The following GRID2 variants were observed in gnomAD, a reference collection of about 807,000 sequenced individuals.
The protein encoded by GRID2 is glutamate receptor ionotropic, delta-2.
GRID2 carries 33 observed loss-of-function variants against 114.8 expected under a neutral mutation model. That is an observed-to-expected ratio of 0.29 (90% confidence interval 0.22 to 0.38). GRID2 has a LOEUF of 0.38. Among genes scored for constraint, GRID2 ranks in the 10% least tolerant of loss-of-function variants. The pLI, the probability that GRID2 is intolerant of heterozygous loss-of-function variation, is 1.00. For synonymous variants in GRID2, 505 were observed against 449.9 expected (o/e 1.12, Z -1.55); for missense variants, 1,184 against 1,257.7 (o/e 0.94, Z 0.89).
chr4:92,355,059 T>C (rs1050138817), intron 1 of GRID2, among the ~76,000 whole-genome samples: 5 of 151,966 alleles, frequency 3.3e-5, no homozygotes, highest in Admixed American at 2.0e-4. Context: ...TGGCGACTCC[T>C]CCTCATTATC....
intron 1 of GRID2, among the ~76,000 whole-genome samples, chr4:92,431,852 G>GTTTGTACCCATTCTTCTGGAAAAGGCTT (rs1477262170): frequency 6.6e-6 from 1 of 152,158 alleles, no homozygotes; most frequent in Non-Finnish European, 1.5e-5. Flanking sequence ...GTTTATGCTT[G>GTTTGTACCCATTCTTCTGGAAAAGGCTT]TTTGTACCCA....
chr4:92,661,445 T>C (rs1732515828), intron 2 of GRID2, among the ~76,000 whole-genome samples: 1 of 150,994 alleles, frequency 6.6e-6, no homozygotes. Context: ...CCATAAGTTT[T>C]AGTGTGGAAT....
chr4:93,148,409 G>T (rs1387168455), intron 4 of GRID2, among the ~76,000 whole-genome samples: 2 of 151,972 alleles, frequency 1.3e-5, no homozygotes, highest in Admixed American at 6.6e-5. Context: ...AAAATAATCT[G>T]ATCATGAAAT....
chr4:93,289,492 G>A (rs72874911), intron 8 of GRID2, among the ~76,000 whole-genome samples: 1 of 152,018 alleles, frequency 6.6e-6, no homozygotes, highest in Non-Finnish European at 1.5e-5. Flanking sequence ...TTTTCCCATT[G>A]TATAATAGTT....
intron 2 of GRID2, among the ~76,000 whole-genome samples, chr4:92,627,863 G>T (rs571992937): frequency 2.5e-4 from 38 of 152,150 alleles, no homozygotes; most frequent in African/African-American, 8.7e-4. Flanking sequence ...TGTAGTGTTT[G>T]CTGATTTCCA....
At chr4:92,895,558 A>T (rs986288383) in intron 2 of GRID2, among the ~76,000 whole-genome samples, 122 of 151,880 alleles carry the variant, frequency 8.0e-4, no homozygotes, top group African/African-American at 2.9e-3. Context: ...ATGAAAAAGG[A>T]TGTACATCTT....
chr4:93,389,451 G>T (rs1764634893), intron 8 of GRID2, among the ~76,000 whole-genome samples: 1 of 152,082 alleles, frequency 6.6e-6, no homozygotes, highest in Non-Finnish European at 1.5e-5. Context: ...GAAACATTTT[G>T]GTTTTTCATT....
chr4:93,779,362 T>C (rs916028634), downstream of GRID2, among the ~76,000 whole-genome samples: 6 of 152,086 alleles, frequency 3.9e-5, no homozygotes, highest in African/African-American at 1.4e-4. Context: ...AGGGCAGAGT[T>C]CTCCTAACTG....
chr4:92,771,405 A>G (rs916164835), intron 2 of GRID2, among the ~76,000 whole-genome samples: 1 of 152,294 alleles, frequency 6.6e-6, no homozygotes, highest in East Asian at 1.9e-4. Flanking sequence ...GAGTTCATTT[A>G]AAATAGTAAT....
At chr4:92,974,144 C>G (rs989998041) in intron 2 of GRID2, among the ~76,000 whole-genome samples, 7 of 152,182 alleles carry the variant, frequency 4.6e-5, no homozygotes. Flanking sequence ...AAGATACCAT[C>G]TCACGCCAGT....
intron 10 of GRID2, among the ~76,000 whole-genome samples, chr4:93,435,693 G>C (rs952911510): frequency 6.6e-6 from 1 of 152,230 alleles, no homozygotes; most frequent in East Asian, 1.9e-4. Flanking sequence ...AGACATCAAG[G>C]CTTAGAGAAT....
At chr4:93,264,709 G>GATATATATATATATATATATAT (rs70942961) in intron 8 of GRID2, among the ~76,000 whole-genome samples, 29 of 132,908 alleles carry the variant, frequency 2.2e-4, no homozygotes, top group African/African-American at 7.7e-4. Context: ...AGTTTTGAAT[G>GATATATATATATATATATATAT]ATATATATAT....
chr4:92,946,491 T>TCC (rs111410422), intron 2 of GRID2, among the ~76,000 whole-genome samples: 2,185 of 151,996 alleles, frequency 0.014, 20 homozygotes, highest in East Asian at 0.053. Context: ...TACCTTTTCT[T>TCC]CCCCCCCAAA....
chr4:92,358,049 G>C (rs1728427037), intron 1 of GRID2, among the ~76,000 whole-genome samples: 1 of 151,936 alleles, frequency 6.6e-6, no homozygotes, highest in South Asian at 2.1e-4. Context: ...TGGCATTTCA[G>C]ACAGGACTTA....
At chr4:93,325,208 G>A (rs7665264) in intron 8 of GRID2, among the ~76,000 whole-genome samples, 35,368 of 151,940 alleles carry the variant, frequency 0.23, 4,605 homozygotes, top group Middle Eastern at 0.36. Flanking sequence ...ACTGCTTTAA[G>A]TGTGTCCCAG....
At chr4:92,722,308 T>A (rs905970578) in intron 2 of GRID2, among the ~76,000 whole-genome samples, 1 of 152,094 alleles carries the variant, frequency 6.6e-6, no homozygotes, top group Admixed American at 6.6e-5. Context: ...GAAAAGCTCA[T>A]ACTGGAACGT....
intron 2 of GRID2, among the ~76,000 whole-genome samples, chr4:92,855,720 C>G (rs1744125091): frequency 6.6e-6 from 1 of 151,668 alleles, no homozygotes; most frequent in Non-Finnish European, 1.5e-5. Context: ...TAACACACAC[C>G]TTTTTAGTCT....
chr4:92,395,522 T>C (rs1443546376), intron 1 of GRID2, among the ~76,000 whole-genome samples: 1 of 151,752 alleles, frequency 6.6e-6, no homozygotes, highest in East Asian at 1.9e-4. Context: ...AGCACCAAAA[T>C]GTTAAGTAAG....
intron 1 of GRID2, among the ~76,000 whole-genome samples, chr4:92,333,869 A>G (rs1727026200): frequency 1.3e-5 from 2 of 152,208 alleles, no homozygotes; most frequent in Admixed American, 6.5e-5. Flanking sequence ...ATCTTGGACT[A>G]CATGCATGTG....
Sources: gnomAD v4.1 joint callset for allele counts (sites outside exome capture counted in the v4.1 genomes callset) on GRCh38, gnomAD v4.1.1 for gene constraint, MANE v1.5 for transcripts, NCBI Gene and HGNC (gene_info 2026-07-23, HGNC 2026-07-21) for gene names.